DLG2: variants seen among roughly 807,000 people sequenced by gnomAD.
DLG2 encodes the protein disks large homolog 2.
In DLG2, 45 loss-of-function variants were observed where a neutral mutation model predicts 132.5. That is an observed-to-expected ratio of 0.34 (90% CI 0.27 to 0.44). DLG2 has a LOEUF of 0.44. Ranked by LOEUF, DLG2 falls within the 20% of genes least tolerant of loss-of-function variation. DLG2 has a pLI of 1.00. For synonymous variants in DLG2, 424 were observed against 419.6 expected, an observed-to-expected ratio of 1.01 and a Z score of -0.13; for missense variants, 1,045 against 1,196.9, an observed-to-expected ratio of 0.87 and a Z score of 1.87.
intron 15 of DLG2, among the ~76,000 whole-genome samples, chr11:83,876,744 T>C (rs1323371278): frequency 6.6e-6 from 1 of 152,114 alleles, no homozygotes; most frequent in Non-Finnish European, 1.5e-5. Flanking sequence ...TGGGTGTACT[T>C]TCCATTCTAT....
At chr11:85,041,224 G>A (rs1369171174) in intron 6 of DLG2, among the ~76,000 whole-genome samples, 1 of 151,948 alleles carries the variant, frequency 6.6e-6, no homozygotes, top group Non-Finnish European at 1.5e-5. Flanking sequence ...TGCAGTAGCA[G>A]TGATACTATA....
At chr11:83,486,435 G>A (rs770214296) in intron 21 of DLG2, among the ~76,000 whole-genome samples, 114 of 152,002 alleles carry the variant, frequency 7.5e-4, no homozygotes, top group Non-Finnish European at 1.2e-3. Flanking sequence ...TAGACAGAGA[G>A]GGACAATGCA....
intron 18 of DLG2, among the ~76,000 whole-genome samples, chr11:83,707,222 A>C (rs2084224079): frequency 6.6e-6 from 1 of 152,200 alleles, no homozygotes; most frequent in African/African-American, 2.4e-5. Flanking sequence ...ATAAGCATCC[A>C]AACTTCTCCT....
At chr11:83,862,029 T>C (rs937992763) in intron 16 of DLG2, among the ~76,000 whole-genome samples, 2 of 152,030 alleles carry the variant, frequency 1.3e-5, no homozygotes, top group Non-Finnish European at 2.9e-5. Flanking sequence ...AATTAAAAAT[T>C]GAAAACATTT....
intron 17 of DLG2, among the ~76,000 whole-genome samples, chr11:83,797,659 C>T (rs1307258260): frequency 6.6e-6 from 1 of 152,154 alleles, no homozygotes; most frequent in Middle Eastern, 3.2e-3. Flanking sequence ...GCTGGGACTA[C>T]AGGCACTCGC....
At chr11:84,385,362 T>G (rs1342666471) in intron 7 of DLG2, among the ~76,000 whole-genome samples, 5 of 152,178 alleles carry the variant, frequency 3.3e-5, no homozygotes, top group Non-Finnish European at 7.4e-5. Context: ...TCTCATGCTT[T>G]GACCTCAGGC....
At chr11:85,546,791 T>C (rs912031384) in intron 3 of DLG2, among the ~76,000 whole-genome samples, 1 of 151,936 alleles carries the variant, frequency 6.6e-6, no homozygotes, top group African/African-American at 2.4e-5. Flanking sequence ...AAAGTCTGTT[T>C]TATCAGAGAC....
At chr11:84,870,906 A>G (rs755552616) in intron 6 of DLG2, among the ~76,000 whole-genome samples, 4 of 152,236 alleles carry the variant, frequency 2.6e-5, no homozygotes, top group Non-Finnish European at 4.4e-5. Flanking sequence ...AACGAAGTGA[A>G]CTAACATTTA....
intron 9 of DLG2, among the ~76,000 whole-genome samples, chr11:84,125,561 G>C (rs2094134904): frequency 6.6e-6 from 1 of 152,174 alleles, no homozygotes; most frequent in African/African-American, 2.4e-5. Context: ...GTCAGCTGTA[G>C]GGGGGTACTA....
chr11:84,385,795 C>T (rs1429550295), intron 7 of DLG2, among the ~76,000 whole-genome samples: 3 of 152,060 alleles, frequency 2.0e-5, no homozygotes, highest in Non-Finnish European at 4.4e-5. Context: ...ATAGTAATTG[C>T]TCGATAAATC....
intron 2 of DLG2, among the ~76,000 whole-genome samples, chr11:85,601,787 C>A (rs967821212): frequency 1.3e-5 from 2 of 152,158 alleles, no homozygotes; most frequent in Non-Finnish European, 2.9e-5. Flanking sequence ...CATGGATGCC[C>A]TTTCTCAATC....
chr11:84,090,187 G>A (rs1303697216), intron 10 of DLG2, among the ~76,000 whole-genome samples: 1 of 152,124 alleles, frequency 6.6e-6, no homozygotes, highest in African/African-American at 2.4e-5. Flanking sequence ...GCCGAGGCAG[G>A]TAGATTGCCT....
intron 9 of DLG2, among the ~76,000 whole-genome samples, chr11:84,127,027 A>G (rs899932992): frequency 1.3e-5 from 2 of 152,216 alleles, no homozygotes; most frequent in Admixed American, 6.5e-5. Context: ...ATATCTAGCC[A>G]GTGCCAATGC....
intron 7 of DLG2, among the ~76,000 whole-genome samples, chr11:84,340,618 T>C (rs2098510223): frequency 6.6e-6 from 1 of 152,110 alleles, no homozygotes; most frequent in African/African-American, 2.4e-5. Context: ...TCGAGTAATA[T>C]CTCAAGGACA....
At chr11:83,925,568 A>G (rs542318686) in intron 15 of DLG2, among the ~76,000 whole-genome samples, 2 of 152,172 alleles carry the variant, frequency 1.3e-5, no homozygotes, top group Non-Finnish European at 2.9e-5. Context: ...CCCTAACATT[A>G]AGGATGATGC....
intron 3 of DLG2, among the ~76,000 whole-genome samples, chr11:85,533,993 T>C (rs2075398108): frequency 6.6e-6 from 1 of 152,182 alleles, no homozygotes; most frequent in African/African-American, 2.4e-5. Flanking sequence ...TTGTTTTTTG[T>C]TTGTTTGTTT....
At chr11:84,433,760 A>G (rs1602044406) in intron 7 of DLG2, among the ~76,000 whole-genome samples, 1 of 152,226 alleles carries the variant, frequency 6.6e-6, no homozygotes, top group South Asian at 2.1e-4. Context: ...TATAGGAATA[A>G]GCAATGAGTA....
At chr11:83,501,746 T>C (rs1407522478) in intron 21 of DLG2, among the ~76,000 whole-genome samples, 1 of 152,188 alleles carries the variant, frequency 6.6e-6, no homozygotes, top group African/African-American at 2.4e-5. Flanking sequence ...TAACAGTTAA[T>C]AAAATCCTAA....
intron 6 of DLG2, among the ~76,000 whole-genome samples, chr11:84,550,911 A>G (rs1464695809): frequency 6.6e-6 from 1 of 152,142 alleles, no homozygotes; most frequent in Non-Finnish European, 1.5e-5. Flanking sequence ...TTTTTCCTCA[A>G]CATACTTCCT....
Sources: allele counts gnomAD v4.1 joint callset (sites outside exome capture counted in the v4.1 genomes callset), GRCh38; gene constraint gnomAD v4.1.1; transcripts MANE v1.5; gene names NCBI Gene and HGNC (gene_info 2026-07-23, HGNC 2026-07-21).